The following DNAJC16 variants were observed in gnomAD, a reference collection of about 807,000 sequenced individuals.
The protein encoded by DNAJC16 is dnaJ homolog subfamily C member 16.
DNAJC16 carries 76 observed loss-of-function variants against 92.7 expected under a neutral mutation model. The ratio of observed to expected loss-of-function variants is 0.82; its 90% CI spans 0.68 to 0.99. The LOEUF (loss-of-function observed/expected upper bound fraction) is 0.99. Ranked by LOEUF, DNAJC16 falls within the 50% of genes least tolerant of loss-of-function variation. The pLI is 0.00. For synonymous variants in DNAJC16, 328 were observed against 358.7 expected, an observed-to-expected ratio of 0.91 and a Z score of 0.97; for missense variants, 869 against 942.4, an observed-to-expected ratio of 0.92 and a Z score of 1.02.
In DNAJC16 at chr1:15,534,264, A is replaced by G. The variant is rs1267480531; in HGVS notation, c.195A>G (p.Gly65=). The part of the protein sequence containing the change: ...EWHPDKNKDP[G]AEDKFIQISK... Reference sequence around the variant, plus strand: ...ATCCTGACAAAAACAAAGATCCTGGAGCAGAAGACAAGTTCATTCAAATCA... The same window carrying G: ...ATCCTGACAAAAACAAAGATCCTGGGGCAGAAGACAAGTTCATTCAAATCA... The change falls in exon 3 of 15, where the codon GGA becomes GGG. Residue 65 remains glycine, a synonymous_variant. Transcript: ENST00000375847. 1 of 1,614,104 alleles carries G rather than the reference A, an allele frequency of 6.2e-7. No individual in the cohort carries two copies. The highest frequency in any genetic ancestry group is 1.7e-5 in the Admixed American group (1 of 60,020).
rs1427893468 is a variant in DNAJC16 at position 15,570,940 on chromosome 1, G to A, written c.*2763G>A. On this transcript the variant is annotated 3_prime_UTR_variant, in exon 15 of 15. Coordinates refer to ENST00000375847, the MANE Select transcript of DNAJC16 (RefSeq NM_015291.4). ...GAGATGGGTTCTTCTGGTTGATACA[G>A]ACTATGCATTGCGTTTAGCAGATGG... is the stretch of plus-strand genomic sequence containing the variant. The A allele has an allele frequency of 1.3e-5, 2 of 151,782 alleles. No individual in the cohort carries two copies. Among genetic ancestry groups the A allele is most frequent in the Admixed American group, 1.3e-4 (2 of 15,224 alleles). The allele number at this position is 151,782 out of a possible 1,614,324, so 9.4% of individuals were successfully genotyped here. A position where few individuals can be genotyped will look rare whatever the true frequency, so the allele number is the denominator to read the frequency against.
intron 3 of DNAJC16, among the ~76,000 whole-genome samples, chr1:15,534,553 C>T (rs1284665425): frequency 6.6e-6 from 1 of 151,936 alleles, no homozygotes; most frequent in Non-Finnish European, 1.5e-5. Context: ...GAAACCCTGT[C>T]TTTACTAAAA....
At chr1:15,529,017 T>C (rs367860585) in intron 1 of DNAJC16, 71 bp from the exon 2 acceptor site, 5 of 1,387,258 alleles carry the variant, frequency 3.6e-6, no homozygotes, top group Admixed American at 1.9e-5. Context: ...ATATATCTTA[T>C]ACCTTTACCT....
At chr1:15,557,594 C>T (rs114438956) in intron 7 of DNAJC16, among the ~76,000 whole-genome samples, 4,095 of 151,608 alleles carry the variant, frequency 0.027, 90 homozygotes, top group Non-Finnish European at 0.04. Context: ...ATTTCATTAA[C>T]TTCTTTTCTA....
At chr1:15,532,972 A>T (rs180807704) in intron 2 of DNAJC16, among the ~76,000 whole-genome samples, 66 of 152,256 alleles carry the variant, frequency 4.3e-4, no homozygotes, top group Non-Finnish European at 8.7e-4. Flanking sequence ...TTTTATTCCA[A>T]TGTGCTTGGT....
chr1:15,539,907 A>C (rs1710892656), intron 4 of DNAJC16, among the ~76,000 whole-genome samples: 1 of 152,038 alleles, frequency 6.6e-6, no homozygotes, highest in South Asian at 2.1e-4. Context: ...GCGTGCCTGT[A>C]ATCTCAGCTG....
intron 7 of DNAJC16, among the ~76,000 whole-genome samples, chr1:15,554,532 A>G (rs1224338074): frequency 6.6e-6 from 1 of 152,156 alleles, no homozygotes; most frequent in African/African-American, 2.4e-5. Context: ...ATCATTTGGA[A>G]TAGTCTTGAT....
chr1:15,556,485 C>A (rs937322885), intron 7 of DNAJC16, among the ~76,000 whole-genome samples: 1 of 152,174 alleles, frequency 6.6e-6, no homozygotes, highest in Non-Finnish European at 1.5e-5. Flanking sequence ...CGGCCTCCCA[C>A]TGTGCTGGGA....
Position 15,534,216 on chromosome 1 carries a change from G to A in DNAJC16, c.168-21G>A, listed in dbSNP as rs187858595. ...ATTAAAAGTTACATCCTTTCTCACC[G>A]CCTGCCTGTTTGTGTTTCAGGCATC... On this transcript the variant is annotated intron_variant, in intron 2 of 14. Transcript: ENST00000375847. 45 of 1,613,474 alleles carry A rather than the reference G, an allele frequency of 2.8e-5. No homozygotes were observed. The African/African-American group carries it at 4.8e-4, about 17-fold the overall frequency.
rs1638934068 is a variant in DNAJC16 at position 15,570,885 on chromosome 1, G to A, written c.*2708G>A. The A allele has an allele frequency of 6.6e-6, 1 of 152,110 alleles. No homozygotes were observed. The highest frequency in any genetic ancestry group is 1.5e-5 in the Non-Finnish European group (1 of 68,034). 9.4% of individuals were successfully genotyped at this position (152,110 alleles called of 1,614,324 possible). A position where few individuals can be genotyped will look rare whatever the true frequency, so the allele number is the denominator to read the frequency against. ...GACCTGATTTTGGTTCTAACACAGTGGTCTTTGACTATCAACATTGATGTT... is the reference window on the plus strand; with the variant it reads ...GACCTGATTTTGGTTCTAACACAGTAGTCTTTGACTATCAACATTGATGTT... On this transcript the variant is annotated 3_prime_UTR_variant, in exon 15 of 15. Coordinates refer to ENST00000375847, the MANE Select transcript of DNAJC16 (RefSeq NM_015291.4).
chr1:15,546,918 T>TTC (rs1638322926), intron 6 of DNAJC16, 47 bp downstream of exon 6: 3 of 613,162 alleles, frequency 4.9e-6, no homozygotes, highest in African/African-American at 3.0e-5. Context: ...TTCTTTTCTT[T>TTC]TTTTTTTTTT....
intron 7 of DNAJC16, among the ~76,000 whole-genome samples, chr1:15,555,951 A>G (rs1229476200): frequency 6.7e-6 from 1 of 148,316 alleles, no homozygotes; most frequent in Non-Finnish European, 1.5e-5. Context: ...CGATCGTGCC[A>G]TTGCACTTCA....
At position 15,568,356 on chromosome 1, in the gene DNAJC16, C is replaced by A; in HGVS notation, c.*179C>A. On this transcript the variant is annotated 3_prime_UTR_variant, in exon 15 of 15. Transcript: ENST00000375847. ...TCTAACCTAGGAATGAAAAACACCACCAGTTTGAATCGCCTAGATGAAAAT... is the reference window on the plus strand; with the variant it reads ...TCTAACCTAGGAATGAAAAACACCAACAGTTTGAATCGCCTAGATGAAAAT... 1 of 577,416 alleles carries A rather than the reference C, an allele frequency of 1.7e-6. No homozygotes were observed. The highest frequency in any genetic ancestry group is 3.0e-6 in the Non-Finnish European group (1 of 337,354). The allele number at this position is 577,416 out of a possible 1,614,324, so 35.8% of individuals were successfully genotyped here.
intron 4 of DNAJC16, among the ~76,000 whole-genome samples, chr1:15,538,593 T>C (rs1438236694): frequency 4.6e-5 from 7 of 152,030 alleles, no homozygotes; most frequent in Admixed American, 4.6e-4. Context: ...GGCACGTGCC[T>C]GTAATCCCAG....
rs370142117 is a variant in DNAJC16, at chr1:15,536,788, A to G, written c.548A>G (p.Glu183Gly). 4.0e-5 allele frequency: 64 copies of G among 1,606,016 alleles called. No individual in the cohort carries two copies. The highest frequency in any genetic ancestry group is 5.1e-5 in the Non-Finnish European group (60 of 1,177,172). The change falls in exon 4 of 15, where the codon GAA (glutamate) becomes GGA (glycine). Residue 183 changes from glutamate to glycine, a missense_variant. Transcript: ENST00000375847. ...ATTCATATCGAGCCTGTGTGGAAAG[A>G]AGTCATTCAAGAACTGGAAGAATTG... is the stretch of plus-strand genomic sequence containing the variant. The part of the protein sequence containing the change: ...SCIHIEPVWK[E>G]VIQELEELGV...
intron 2 of DNAJC16, among the ~76,000 whole-genome samples, chr1:15,533,178 T>C (rs1710697398): frequency 6.6e-6 from 1 of 152,226 alleles, no homozygotes; most frequent in South Asian, 2.1e-4. Flanking sequence ...GAATTAAACC[T>C]AGCCCTTACT....
chr1:15,559,183 C>T (rs1181194045), intron 7 of DNAJC16, among the ~76,000 whole-genome samples: 1 of 152,070 alleles, frequency 6.6e-6, no homozygotes, highest in African/African-American at 2.4e-5. Flanking sequence ...CGTGATCTAC[C>T]CACCTCAGCC....
At chr1:15,538,848 CTTGA>C (rs1172839942) in intron 4 of DNAJC16, among the ~76,000 whole-genome samples, 6 of 152,138 alleles carry the variant, frequency 3.9e-5, no homozygotes, top group Non-Finnish European at 7.4e-5. Flanking sequence ...GCTCTGTGTT[CTTGA>C]TTTTGTTTCA....
In DNAJC16 at chr1:15,529,180, G is replaced by C; in HGVS notation, c.75G>C (p.Ala25=). The change falls in exon 2 of 15, where the codon GCG becomes GCC. Residue 25 remains alanine, a synonymous_variant. Transcript: ENST00000375847. ...VLVLILQILS[A]LDFDPYRVLG... ...TTCTGATCCTGCAAATTCTGTCTGCGTTGGATTTTGACCCATACAGAGTCC... is the reference window on the plus strand; with the variant it reads ...TTCTGATCCTGCAAATTCTGTCTGCCTTGGATTTTGACCCATACAGAGTCC... 6.2e-7 allele frequency: 1 copy of C among 1,614,098 alleles called. No homozygotes were observed. Among genetic ancestry groups the C allele is most frequent in the Non-Finnish European group, 8.5e-7 (1 of 1,180,008 alleles).
Sources: allele counts gnomAD v4.1 joint callset (sites outside exome capture counted in the v4.1 genomes callset), GRCh38; gene constraint gnomAD v4.1.1; transcripts MANE v1.5; gene names NCBI Gene and HGNC (gene_info 2026-07-23, HGNC 2026-07-21).